NCKAP5: variants seen among roughly 807,000 people sequenced by gnomAD.
NCKAP5 encodes the protein NCK associated protein 5.
NCKAP5 carries 92 observed loss-of-function variants against 167.0 expected under a neutral mutation model. That is an observed-to-expected ratio of 0.55 (90% CI 0.47 to 0.66). The LOEUF (loss-of-function observed/expected upper bound fraction) is 0.66, where lower values mean the gene tolerates loss of function less well. Ranked by LOEUF, NCKAP5 falls within the 30% of genes least tolerant of loss-of-function variation. The pLI is 0.00. For missense variants in NCKAP5, 2,378 were observed against 2,315.0 expected (o/e 1.03, Z -0.56); for synonymous variants, 891 against 877.4 (o/e 1.02, Z -0.27).
At chr2:133,578,626 C>T in the NCKAP5 span, among the ~76,000 whole-genome samples, 1 of 152,222 alleles carries the variant, frequency 6.6e-6, no homozygotes, top group Non-Finnish European at 1.5e-5. Flanking sequence ...GCAGGATTGG[C>T]TGTGGCTCTG....
At chr2:133,306,814 T>A (rs146287104) in intron 3 of NCKAP5, among the ~76,000 whole-genome samples, 1 of 152,316 alleles carries the variant, frequency 6.6e-6, no homozygotes, top group East Asian at 1.9e-4. Context: ...TATTTCTCAA[T>A]ATCTCATTTG....
At chr2:133,498,485 AGGCAGGCAGGC>A (rs1559529074) in intron 3 of NCKAP5, among the ~76,000 whole-genome samples, 50 of 122,372 alleles carry the variant, frequency 4.1e-4, no homozygotes, top group African/African-American at 1.4e-3. Flanking sequence ...GAAGGAAGGC[AGGCAGGCAGGC>A]AGGCAGGCAG....
chr2:133,428,638 C>T (rs1248724405), intron 3 of NCKAP5, among the ~76,000 whole-genome samples: 1 of 152,108 alleles, frequency 6.6e-6, no homozygotes, highest in African/African-American at 2.4e-5. Flanking sequence ...CATAACTCAT[C>T]ACGTGTTTAC....
At chr2:132,730,478 G>C (rs1178691884) in intron 17 of NCKAP5, among the ~76,000 whole-genome samples, 1 of 152,174 alleles carries the variant, frequency 6.6e-6, no homozygotes, top group Non-Finnish European at 1.5e-5. Flanking sequence ...CTGGGCGACG[G>C]AGTGAGACTC....
At chr2:133,396,876 C>T (rs936647954) in intron 3 of NCKAP5, among the ~76,000 whole-genome samples, 4 of 152,182 alleles carry the variant, frequency 2.6e-5, no homozygotes, top group African/African-American at 9.7e-5. Context: ...AGGACACATG[C>T]TTGTCGTCAG....
chr2:133,112,331 G>A (rs2081943362), intron 6 of NCKAP5, among the ~76,000 whole-genome samples: 2 of 152,048 alleles, frequency 1.3e-5, no homozygotes, highest in South Asian at 2.1e-4. Flanking sequence ...AAAATTAGCC[G>A]GGTACGGCAG....
intron 16 of NCKAP5, among the ~76,000 whole-genome samples, chr2:132,764,795 G>A (rs913078092): frequency 6.6e-6 from 1 of 152,200 alleles, no homozygotes; most frequent in African/African-American, 2.4e-5. Flanking sequence ...TTCAAAATGT[G>A]ACATTCGACT....
chr2:132,811,371 A>G (rs1272636045), intron 11 of NCKAP5, among the ~76,000 whole-genome samples: 1 of 152,062 alleles, frequency 6.6e-6, no homozygotes, highest in Non-Finnish European at 1.5e-5. Context: ...AGGGGTGGAT[A>G]GGGAAAGACC....
intron 3 of NCKAP5, among the ~76,000 whole-genome samples, chr2:133,345,160 GAT>G (rs906984207): frequency 6.6e-6 from 1 of 152,076 alleles, no homozygotes; most frequent in Non-Finnish European, 1.5e-5. Flanking sequence ...GCCTTTAAAA[GAT>G]AACCCATTTT....
At chr2:133,083,297 T>C (rs1204147011) in intron 6 of NCKAP5, among the ~76,000 whole-genome samples, 2 of 152,132 alleles carry the variant, frequency 1.3e-5, no homozygotes, top group African/African-American at 4.8e-5. Flanking sequence ...AGCAACTATT[T>C]ATAGGCTACA....
chr2:132,782,120 G>C lies in NCKAP5; in HGVS notation c.4691C>G (p.Thr1564Arg). The change falls in exon 14 of 20, where the codon ACA (threonine) becomes AGA (arginine). Residue 1564 changes from threonine to arginine, a missense_variant. Physicochemically the swap from Thr to Arg is moderately conservative, Grantham distance 71. Coordinates refer to ENST00000409261, the MANE Select transcript of NCKAP5 (RefSeq NM_207363.3). ...GGTGTCCTTGATAAGCTCATTTTCT[G>C]TCTCACACTGTAGTTCAGGCTTCTT... is the stretch of plus-strand genomic sequence containing the variant. ...EKKKPELQCE[T>R]ENELIKDTKS... 1 of 1,613,952 alleles carries C rather than the reference G, an allele frequency of 6.2e-7. No homozygotes were observed. The highest frequency in any genetic ancestry group is 1.7e-5 in the Admixed American group (1 of 60,020).
chr2:133,025,047 A>G (rs986042031), intron 6 of NCKAP5, among the ~76,000 whole-genome samples: 2 of 152,248 alleles, frequency 1.3e-5, no homozygotes, highest in Non-Finnish European at 2.9e-5. Flanking sequence ...GAATGATAAT[A>G]CCAGATGAAT....
At chr2:133,514,056 T>G (rs577706593) in intron 3 of NCKAP5, among the ~76,000 whole-genome samples, 1 of 152,162 alleles carries the variant, frequency 6.6e-6, no homozygotes, top group Non-Finnish European at 1.5e-5. Flanking sequence ...TGAACAGTTT[T>G]GGGTCAAGAA....
At chr2:133,196,120 G>C (rs182140874) in intron 5 of NCKAP5, among the ~76,000 whole-genome samples, 1 of 152,252 alleles carries the variant, frequency 6.6e-6, no homozygotes, top group East Asian at 1.9e-4. Flanking sequence ...CTATGCTCGT[G>C]TGTTGGTTTA....
At chr2:133,381,534 G>A (rs536047491) in intron 3 of NCKAP5, 5 of 152,306 alleles carry the variant, frequency 3.3e-5, no homozygotes, top group Non-Finnish European at 7.3e-5. Flanking sequence ...TTTGTTTAGT[G>A]TAGGCAAAGA....
intron 3 of NCKAP5, among the ~76,000 whole-genome samples, chr2:133,479,287 A>G (rs1680215860): frequency 6.6e-6 from 1 of 152,244 alleles, no homozygotes; most frequent in African/African-American, 2.4e-5. Context: ...TACATACTTA[A>G]TCAGTTTACT....
At chr2:133,096,126 C>T (rs1225528258) in intron 6 of NCKAP5, among the ~76,000 whole-genome samples, 1 of 152,080 alleles carries the variant, frequency 6.6e-6, no homozygotes, top group Non-Finnish European at 1.5e-5. Context: ...GTTATCCAGG[C>T]CTCAAAATGC....
In NCKAP5 at chr2:133,486,317, G is replaced by A. The variant is rs79744897; in HGVS notation, c.69+31141C>T. Among the ~76,000 whole-genome samples, 281 of 152,286 alleles carry A rather than the reference G, an allele frequency of 1.8e-3. 1 individual carries two copies. The highest frequency in any genetic ancestry group is 3.0e-3 in the Non-Finnish European group (207 of 68,024). On this transcript the variant is annotated intron_variant, in intron 3 of 19. Coordinates refer to ENST00000409261, the MANE Select transcript of NCKAP5 (RefSeq NM_207363.3). ...TTTAAAGAAGAAAGGTCTTAGGTTA[G>A]ACACTTCAGTTCTTTGTTCAATTGC...
At chr2:132,779,527 T>C (rs1343763641) in intron 15 of NCKAP5, among the ~76,000 whole-genome samples, 1 of 150,668 alleles carries the variant, frequency 6.6e-6, no homozygotes, top group Admixed American at 6.7e-5. Context: ...GGTTTTATAA[T>C]GCAGGGGACA....
Sources: allele counts gnomAD v4.1 joint callset (sites outside exome capture counted in the v4.1 genomes callset), GRCh38; gene constraint gnomAD v4.1.1; transcripts MANE v1.5; gene names NCBI Gene and HGNC (gene_info 2026-07-23, HGNC 2026-07-21).